The following IQGAP1 variants were observed in gnomAD, a reference collection of about 807,000 sequenced individuals.
IQGAP1 encodes ras GTPase-activating-like protein IQGAP1.
IQGAP1 carries 66 observed loss-of-function variants against 215.6 expected under a neutral mutation model. That is an observed-to-expected ratio of 0.31 (90% CI 0.25 to 0.38). The LOEUF is 0.38. IQGAP1 is among the 10% of genes least tolerant of loss of function. IQGAP1 has a pLI of 1.00. For missense variants in IQGAP1, 1,712 were observed against 1,997.1 expected (o/e 0.86, Z 2.72); for synonymous variants, 772 against 728.7 (o/e 1.06, Z -0.96).
At chr15:90,434,574 C>T (rs563536692) in intron 5 of IQGAP1, among the ~76,000 whole-genome samples, 2 of 151,814 alleles carry the variant, frequency 1.3e-5, no homozygotes, top group South Asian at 4.2e-4. Context: ...TTTTCAGGTC[C>T]CCAGAACACT....
At chr15:90,485,951 A>G in intron 30 of IQGAP1, 79 bp from the exon 31 acceptor site, 1 of 1,049,436 alleles carries the variant, frequency 9.5e-7, no homozygotes, top group East Asian at 2.5e-5. Flanking sequence ...CTCTTTGTGC[A>G]GATCATTGTT....
rs79029482 is a variant in IQGAP1, at chr15:90,436,829, G to A, written c.468-2503G>A. Among the ~76,000 whole-genome samples the A allele has an allele frequency of 2.0e-3, 309 of 152,242 alleles. 1 individual carries two copies. The highest frequency in any genetic ancestry group is 7.2e-3 in the African/African-American group (298 of 41,550). The stretch of plus-strand genomic sequence containing the variant: ...GCTCCAGTGTCTCCATAAAATACTC[G>A]TAATAATTAAAGAGAGTTAAAAGAA... On this transcript the variant is annotated intron_variant, in intron 5 of 37. Transcript: ENST00000268182.
chr15:90,485,818 A>G (rs963676501), intron 30 of IQGAP1, among the ~76,000 whole-genome samples: 8 of 151,930 alleles, frequency 5.3e-5, no homozygotes, highest in Non-Finnish European at 7.4e-5. Flanking sequence ...TCCTCTTCTT[A>G]TATCATAACA....
intron 2 of IQGAP1, among the ~76,000 whole-genome samples, chr15:90,400,827 C>T (rs968919846): frequency 2.6e-5 from 4 of 152,184 alleles, no homozygotes; most frequent in Non-Finnish European, 4.4e-5. Context: ...AGTGTGGTGA[C>T]CTGCCTCTGA....
intron 9 of IQGAP1, 107 bp from the exon 10 acceptor site, chr15:90,448,466 A>T: frequency 1.0e-6 from 1 of 994,860 alleles, no homozygotes; most frequent in South Asian, 1.9e-5. Flanking sequence ...AGGCTCTCTG[A>T]GTTATATTTC....
At chr15:90,432,492 T>C (rs1321308505) in intron 4 of IQGAP1, among the ~76,000 whole-genome samples, 1 of 152,222 alleles carries the variant, frequency 6.6e-6, no homozygotes, top group Non-Finnish European at 1.5e-5. Context: ...TACTTCTTTA[T>C]GTCCTGCTTA....
At chr15:90,449,061 G>T (rs1965564629) in intron 10 of IQGAP1, among the ~76,000 whole-genome samples, 2 of 151,892 alleles carry the variant, frequency 1.3e-5, no homozygotes, top group South Asian at 4.1e-4. Context: ...CTTACGTCAG[G>T]AATTTGCACT....
At chr15:90,472,791 A>T (rs753156608) in intron 18 of IQGAP1, 49 bp from the exon 19 acceptor site, 3 of 1,543,908 alleles carry the variant, frequency 1.9e-6, no homozygotes, top group Non-Finnish European at 8.8e-7. Context: ...GAAAACCTGC[A>T]TCCATTCTTG....
At chr15:90,458,218 A>G (rs1321450193) in intron 15 of IQGAP1, among the ~76,000 whole-genome samples, 1 of 152,222 alleles carries the variant, frequency 6.6e-6, no homozygotes, top group Non-Finnish European at 1.5e-5. Flanking sequence ...TTGTTGCTGA[A>G]TAATATTCCA....
intron 2 of IQGAP1, among the ~76,000 whole-genome samples, chr15:90,417,149 C>T (rs958924431): frequency 2.6e-5 from 4 of 152,176 alleles, no homozygotes; most frequent in Non-Finnish European, 4.4e-5. Flanking sequence ...TTCTCCCATT[C>T]TGTAGGTTGC....
At chr15:90,395,238 C>T (rs1964696280) in intron 2 of IQGAP1, among the ~76,000 whole-genome samples, 1 of 152,100 alleles carries the variant, frequency 6.6e-6, no homozygotes, top group African/African-American at 2.4e-5. Context: ...ATTATTTATG[C>T]TTAAATTGAA....
At chr15:90,404,654 A>C (rs1326248341) in intron 2 of IQGAP1, among the ~76,000 whole-genome samples, 2 of 151,878 alleles carry the variant, frequency 1.3e-5, no homozygotes, top group African/African-American at 2.4e-5. Context: ...CCTGGCGTGC[A>C]GTGGCCCGAT....
rs147715196 is a variant in IQGAP1, at chr15:90,451,515, C to T, written c.1163-1260C>T. Among the ~76,000 whole-genome samples, 26 of 152,276 alleles carry T rather than the reference C, an allele frequency of 1.7e-4. No individual in the cohort carries two copies. The East Asian group carries it at 5.0e-3, about 29-fold the overall frequency. On this transcript the variant is annotated intron_variant, in intron 11 of 37. Transcript: ENST00000268182. Reference sequence around the variant, plus strand: ...ACCAATCCAATCTTGCAAGAGCTCACTACCATGAGAATGGCACAAAGCCGT... The same window carrying T: ...ACCAATCCAATCTTGCAAGAGCTCATTACCATGAGAATGGCACAAAGCCGT...
intron 9 of IQGAP1, among the ~76,000 whole-genome samples, chr15:90,444,411 A>G (rs1487239621): frequency 6.6e-6 from 1 of 151,850 alleles, no homozygotes; most frequent in Non-Finnish European, 1.5e-5. Context: ...ATTCTCTAGT[A>G]GCTAGGACTA....
chr15:90,477,496 C>T (rs574674887), intron 25 of IQGAP1, among the ~76,000 whole-genome samples, 169 bp from the exon 26 acceptor site: 5 of 151,364 alleles, frequency 3.3e-5, no homozygotes, highest in African/African-American at 9.7e-5. Context: ...TATCTAGTAG[C>T]GGACCCAATC....
chr15:90,410,605 A>G (rs1421256446), intron 2 of IQGAP1, among the ~76,000 whole-genome samples: 2 of 147,588 alleles, frequency 1.4e-5, no homozygotes, highest in Non-Finnish European at 1.5e-5. Flanking sequence ...CAAACACCGC[A>G]TGTTCTCACT....
intron 7 of IQGAP1, 117 bp from the exon 8 acceptor site, chr15:90,441,388 GA>G: frequency 2.3e-6 from 2 of 859,168 alleles, no homozygotes; most frequent in Non-Finnish European, 3.5e-6. Flanking sequence ...ATTTCTCTGT[GA>G]AAAGGAGCCT....
intron 9 of IQGAP1, among the ~76,000 whole-genome samples, chr15:90,443,767 C>G (rs1965485573): frequency 6.6e-6 from 1 of 152,086 alleles, no homozygotes; most frequent in Admixed American, 6.6e-5. Context: ...TTTTCCTGGC[C>G]AGGCACAGTG....
rs577055546 is a variant in IQGAP1 at position 90,437,278 on chromosome 15, C to T, written c.468-2054C>T. 2.6e-5 allele frequency among the ~76,000 whole-genome samples: 4 copies of T among 152,344 alleles called. No individual in the cohort carries two copies. The South Asian group carries it at 8.3e-4, about 32-fold the overall frequency. The stretch of plus-strand genomic sequence containing the variant: ...AAACCTGCCCCCATTGATCCAATCA[C>T]CTCTCACCAGGCCCCCACCTGGGGA... On this transcript the variant is annotated intron_variant, in intron 5 of 37. Coordinates refer to ENST00000268182, the MANE Select transcript of IQGAP1 (RefSeq NM_003870.4).
Sources: allele counts gnomAD v4.1 joint callset (sites outside exome capture counted in the v4.1 genomes callset), GRCh38; gene constraint gnomAD v4.1.1; transcripts MANE v1.5; gene names NCBI Gene and HGNC (gene_info 2026-07-23, HGNC 2026-07-21).